Variants in CHD1L observed in about 807,000 individuals in gnomAD.
CHD1L encodes chromodomain helicase DNA binding protein 1 like, also known as ATP-dependent chromatin remodeler CHD1L.
CHD1L carries 118 observed loss-of-function variants against 115.9 expected under a neutral mutation model. That is an observed-to-expected ratio of 1.02 (90% CI 0.88 to 1.19). CHD1L has a LOEUF of 1.19. Ranked by LOEUF, CHD1L falls within the 50% of genes most tolerant of loss-of-function variation. The pLI, the probability that CHD1L is intolerant of heterozygous loss-of-function variation, is 0.00. For synonymous variants in CHD1L, 411 were observed against 387.1 expected (o/e 1.06, Z -0.72); for missense variants, 1,179 against 1,065.3 (o/e 1.11, Z -1.49).
the CHD1L span, among the ~76,000 whole-genome samples, chr1:147,236,209 A>T: frequency 6.6e-6 from 1 of 152,158 alleles, no homozygotes; most frequent in Non-Finnish European, 1.5e-5. Flanking sequence ...GGAAGCTTGG[A>T]GATGCCAAGA....
Position 147,272,174 on chromosome 1 carries a change from A to T in CHD1L, c.1163A>T (p.Tyr388Phe). 6.2e-7 allele frequency: 1 copy of T among 1,612,800 alleles called. No individual in the cohort carries two copies. The highest frequency in any genetic ancestry group is 8.5e-7 in the Non-Finnish European group (1 of 1,178,910). ...GTTTTTCTTCCTCTCTGTAAAGGCT[A>T]CAGCTATGAGCGTGTGGATGGTTCT... ...ILQDYMDYRG[Y>F]SYERVDGSVR... The change falls in exon 12 of 23, where the codon TAC becomes TTC. Residue 388 changes from tyrosine to phenylalanine, a missense_variant. Transcript: ENST00000369258.
chr1:147,208,769 G>A, the CHD1L span: 2 of 1,135,762 alleles, frequency 1.8e-6, no homozygotes, highest in Non-Finnish European at 2.6e-6. Flanking sequence ...ATGGGTAGAG[G>A]TGGCTTTACT....
At chr1:147,259,655 C>G (rs1671256920) in intron 5 of CHD1L, 182 bp from the exon 6 acceptor site, 1 of 519,284 alleles carries the variant, frequency 1.9e-6, no homozygotes, top group Admixed American at 2.9e-5. Flanking sequence ...GTTTTACTAC[C>G]TTATCCAGAT....
At chr1:147,271,648 C>T (rs75596143) in intron 11 of CHD1L, among the ~76,000 whole-genome samples, 1,591 of 152,256 alleles carry the variant, frequency 0.01, 22 homozygotes, top group Middle Eastern at 0.041. Context: ...TGCAGAATGC[C>T]GTTGGCACAT....
rs782651981 is a variant in CHD1L at position 147,280,081 on chromosome 1, C to T, written c.1595C>T (p.Thr532Ile). ...AAACTGCTGGCCTCTGAGGGGAGCA[C>T]CATGGATGAAATAGACCTGGAGTCC... ...LDKLLASEGS[T>I]MDEIDLESIL... Residue 532 changes from threonine to isoleucine, a missense_variant, in exon 15 of 23, where the codon ACC becomes ATC. By Grantham distance (89) the Thr-to-Ile change is moderately conservative. Coordinates refer to ENST00000369258, the MANE Select transcript of CHD1L (RefSeq NM_004284.6). 31 of 1,613,856 alleles carry T rather than the reference C, an allele frequency of 1.9e-5. No homozygotes were observed. The highest frequency in any genetic ancestry group is 1.0e-5 in the Non-Finnish European group (12 of 1,179,976).
chr1:147,245,766 G>C (rs1477268954), intron 1 of CHD1L, among the ~76,000 whole-genome samples: 2 of 150,058 alleles, frequency 1.3e-5, no homozygotes, highest in South Asian at 4.2e-4. Flanking sequence ...TTGCAGCCTC[G>C]ACCTGGGCTT....
At position 147,276,331 on chromosome 1, in the gene CHD1L, A is replaced by G. The variant is rs587679366; in HGVS notation, c.1539+74A>G. ...TGTGGAGGAGAATGTAAATGAAAAG[A>G]ACCAGCACTCACCCTCTCCCCAGCT... On this transcript the variant is annotated intron_variant, in intron 14 of 22. Transcript: ENST00000369258. 92 of 1,410,436 alleles carry G rather than the reference A, an allele frequency of 6.5e-5. 1 individual carries two copies. The East Asian group carries it at 1.8e-3, about 28-fold the overall frequency. The allele number at this position is 1,410,436 out of a possible 1,614,324, so 87.4% of individuals were successfully genotyped here. A position where few individuals can be genotyped will look rare whatever the true frequency, so the allele number is the denominator to read the frequency against.
chr1:147,269,006 C>T, intron 10 of CHD1L, 128 bp downstream of exon 10: 2 of 599,570 alleles, frequency 3.3e-6, no homozygotes, highest in Non-Finnish European at 5.8e-6. Context: ...TCAGGTTCTG[C>T]CTTCTCTGTG....
intron 18 of CHD1L, among the ~76,000 whole-genome samples, chr1:147,287,145 A>G (rs1683493757): frequency 6.6e-6 from 1 of 152,212 alleles, no homozygotes; most frequent in South Asian, 2.1e-4. Flanking sequence ...GCCTAGAACG[A>G]TGCCTTACGT....
the CHD1L span, chr1:147,213,328 A>G: frequency 6.2e-7 from 1 of 1,611,062 alleles, no homozygotes; most frequent in Non-Finnish European, 8.5e-7. Context: ...TTCCAGAGGT[A>G]GATGAGCATT....
At chr1:147,223,734 T>C in the CHD1L span, 1 of 208,458 alleles carries the variant, frequency 4.8e-6, no homozygotes, top group Non-Finnish European at 9.8e-6. Flanking sequence ...CCCCCCTATA[T>C]CAGGTTGCAG....
rs950260257 is a variant in CHD1L at position 147,264,675 on chromosome 1, T to C, written c.739+91T>C. On this transcript the variant is annotated intron_variant, in intron 7 of 22. Coordinates refer to ENST00000369258, the MANE Select transcript of CHD1L (RefSeq NM_004284.6). ...GGTTATAGGTAGAAAAGAAGGAGAA[T>C]TGATGACCAGAGGACACCTTCCAGG... 9.4e-6 allele frequency: 13 copies of C among 1,376,400 alleles called. No individual in the cohort carries two copies. The Middle Eastern group carries it at 6.3e-4, about 67-fold the overall frequency. The allele number at this position is 1,376,400 out of a possible 1,614,324, so 85.3% of individuals were successfully genotyped here.
chr1:147,224,769 C>A, the CHD1L span: 19 of 846,170 alleles, frequency 2.2e-5, no homozygotes, highest in Non-Finnish European at 3.0e-5. Flanking sequence ...CTCGGCCTCC[C>A]AAAGTGCTAG....
intron 14 of CHD1L, among the ~76,000 whole-genome samples, chr1:147,278,858 C>T (rs1572037140): frequency 6.6e-6 from 1 of 152,154 alleles, no homozygotes; most frequent in East Asian, 1.9e-4. Context: ...CACTCTCTAA[C>T]CTCCGAGCAC....
Position 147,254,861 on chromosome 1 carries a change from G to A in CHD1L, c.241-9G>A, listed in dbSNP as rs782412087. 1.6e-5 allele frequency: 25 copies of A among 1,571,950 alleles called. No homozygotes were observed. The highest frequency in any genetic ancestry group is 2.0e-5 in the Non-Finnish European group (23 of 1,161,640). ...TGATCAAAACTGCCTTTCTTTTTCT[G>A]TGTTCCAGACTATTGCTCTCTTCAT... On this transcript the variant is annotated splice_polypyrimidine_tract_variant and intron_variant, in intron 2 of 22. Transcript: ENST00000369258.
the CHD1L span, chr1:147,225,238 C>T: frequency 7.5e-7 from 1 of 1,339,766 alleles, no homozygotes; most frequent in Non-Finnish European, 9.8e-7. Flanking sequence ...GAGCCCTGCG[C>T]CTGCAAGACC....
the CHD1L span, among the ~76,000 whole-genome samples, chr1:147,202,694 A>G: frequency 1.4e-4 from 21 of 152,132 alleles, no homozygotes; most frequent in Non-Finnish European, 5.9e-5. Context: ...GGAATTTTAT[A>G]TGTTTAAATT....
At chr1:147,278,486 G>A (rs1432362804) in intron 14 of CHD1L, among the ~76,000 whole-genome samples, 4 of 150,416 alleles carry the variant, frequency 2.7e-5, no homozygotes, top group Non-Finnish European at 5.9e-5. Flanking sequence ...GCCTCCTAAA[G>A]TGCTGGGATT....
Position 147,247,827 on chromosome 1 carries a change from C to T in CHD1L, c.128-4796C>T, listed in dbSNP as rs920516048. 2.0e-5 allele frequency among the ~76,000 whole-genome samples: 3 copies of T among 152,154 alleles called. No homozygotes were observed. In the East Asian group the frequency reaches 5.8e-4, roughly 29 times the overall value. ...ACATCACTTGACTCCTGGCCCCTTT[C>T]CTCCAACTTCAAAGCCAGAAACATT... On this transcript the variant is annotated intron_variant, in intron 1 of 22. Transcript: ENST00000369258.
Sources: gnomAD v4.1 joint callset for allele counts (sites outside exome capture counted in the v4.1 genomes callset) on GRCh38, gnomAD v4.1.1 for gene constraint, MANE v1.5 for transcripts, NCBI Gene and HGNC (gene_info 2026-07-23, HGNC 2026-07-21) for gene names.